FGGY: variants seen among roughly 807,000 people sequenced by gnomAD.
FGGY encodes FGGY carbohydrate kinase domain-containing protein.
FGGY carries 72 observed loss-of-function variants against 71.3 expected under a neutral mutation model. The observed-to-expected ratio is 1.01, with a 90% CI of 0.84 to 1.23. The LOEUF (loss-of-function observed/expected upper bound fraction) is 1.23. FGGY is among the 50% of genes most tolerant of loss of function. The probability of loss-of-function intolerance (pLI) is 0.00; values close to 1 mark genes in which losing one functional copy is unlikely to be tolerated. For missense variants in FGGY, 668 were observed against 682.3 expected, an observed-to-expected ratio of 0.98 and a Z score of 0.23; for synonymous variants, 251 against 250.3, an observed-to-expected ratio of 1.00 and a Z score of -0.02.
intron 14 of FGGY, among the ~76,000 whole-genome samples, chr1:59,684,361 A>G (rs2097528699): frequency 6.6e-6 from 1 of 152,042 alleles, no homozygotes; most frequent in South Asian, 2.1e-4. Context: ...GGAATGATGG[A>G]GCATTTGAGG....
chr1:59,453,826 G>T (rs2091427323), intron 5 of FGGY, among the ~76,000 whole-genome samples: 1 of 152,124 alleles, frequency 6.6e-6, no homozygotes, highest in Non-Finnish European at 1.5e-5. Context: ...TCAGAGGTAA[G>T]GAATCAGAAT....
rs541911718 is a variant in FGGY at position 59,524,334 on chromosome 1, C to T, written c.799+11895C>T. Among the ~76,000 whole-genome samples, 11 of 152,276 alleles carry T rather than the reference C, an allele frequency of 7.2e-5. 1 individual carries two copies. The highest frequency in any genetic ancestry group is 4.1e-4 in the South Asian group (2 of 4,830). On this transcript the variant is annotated intron_variant, in intron 7 of 15. Coordinates refer to ENST00000303721, the MANE Select transcript of FGGY (RefSeq NM_018291.5). Reference sequence around the variant, plus strand: ...GCCTCAGTAGGAACAGACTGGGTGGCGGGTTGATGGCAGGAGGAAGCAGAC... The same window carrying T: ...GCCTCAGTAGGAACAGACTGGGTGGTGGGTTGATGGCAGGAGGAAGCAGAC...
chr1:59,333,852 G>A (rs1196292443), intron 2 of FGGY, among the ~76,000 whole-genome samples: 1 of 152,218 alleles, frequency 6.6e-6, no homozygotes, highest in African/African-American at 2.4e-5. Context: ...TCAGTGTGGT[G>A]AAGGCATCTG....
chr1:59,660,988 T>C (rs74086291), intron 12 of FGGY, among the ~76,000 whole-genome samples: 12,238 of 152,214 alleles, frequency 0.08, 1,344 homozygotes, highest in African/African-American at 0.25. Flanking sequence ...TAGATCATGG[T>C]GTTCGGGGTC....
chr1:59,656,197 C>T (rs1020810392), intron 11 of FGGY, among the ~76,000 whole-genome samples: 14 of 152,194 alleles, frequency 9.2e-5, no homozygotes, highest in Admixed American at 7.9e-4. Context: ...TTGTCTGTCT[C>T]GCCCAAACAT....
chr1:59,757,824 A>C, intron 14 of FGGY, 107 bp from the exon 15 acceptor site: 1 of 709,048 alleles, frequency 1.4e-6, no homozygotes, highest in Non-Finnish European at 2.4e-6. Flanking sequence ...GACTAACCAA[A>C]TATCTTAAAG....
At chr1:59,348,557 T>G (rs183762223) in intron 4 of FGGY, among the ~76,000 whole-genome samples, 3,706 of 152,134 alleles carry the variant, frequency 0.024, 171 homozygotes, top group African/African-American at 0.085. Context: ...TCTGGAGAAG[T>G]AGAGAATCCA....
chr1:59,311,200 A>G (rs2044250819), intron 1 of FGGY, among the ~76,000 whole-genome samples: 1 of 151,888 alleles, frequency 6.6e-6, no homozygotes, highest in Non-Finnish European at 1.5e-5. Context: ...CATTTCAGGG[A>G]TGGTAGAAAG....
intron 14 of FGGY, among the ~76,000 whole-genome samples, chr1:59,723,569 G>GT (rs1012048792): frequency 6.7e-5 from 10 of 149,058 alleles, no homozygotes; most frequent in African/African-American, 2.5e-4. Context: ...TTTTTGGGGG[G>GT]GGGTGGTTGG....
intron 4 of FGGY, among the ~76,000 whole-genome samples, chr1:59,362,652 A>T (rs1173932902): frequency 6.6e-6 from 1 of 152,250 alleles, no homozygotes; most frequent in East Asian, 1.9e-4. Flanking sequence ...CTCTAGACAC[A>T]TATCTGACAT....
At chr1:59,486,367 C>A (rs1175043166) in intron 6 of FGGY, among the ~76,000 whole-genome samples, 1 of 152,150 alleles carries the variant, frequency 6.6e-6, no homozygotes, top group East Asian at 1.9e-4. Flanking sequence ...GCCCTGTGAG[C>A]AGGCAGAAAT....
At chr1:59,633,445 T>C (rs563030546) in intron 10 of FGGY, among the ~76,000 whole-genome samples, 1 of 152,300 alleles carries the variant, frequency 6.6e-6, no homozygotes, top group Admixed American at 6.5e-5. Context: ...TCCCAACTGG[T>C]TACCAGTAGC....
intron 4 of FGGY, among the ~76,000 whole-genome samples, chr1:59,347,039 CAG>C (rs922142850): frequency 6.7e-6 from 1 of 148,152 alleles, no homozygotes; most frequent in African/African-American, 2.5e-5. Flanking sequence ...GAAGCAATCT[CAG>C]AAAAAGTGTA....
intron 14 of FGGY, among the ~76,000 whole-genome samples, chr1:59,691,454 A>G (rs1415938699): frequency 6.6e-6 from 1 of 151,970 alleles, no homozygotes; most frequent in East Asian, 1.9e-4. Context: ...CTTGGCTGAA[A>G]ACAGACTGCG....
At chr1:59,716,280 C>T (rs905867592) in intron 14 of FGGY, among the ~76,000 whole-genome samples, 2 of 152,072 alleles carry the variant, frequency 1.3e-5, no homozygotes, top group Non-Finnish European at 2.9e-5. Context: ...CATGGTATTC[C>T]CTTTCTTTTT....
chr1:59,674,466 G>A (rs1163389546), intron 14 of FGGY, among the ~76,000 whole-genome samples: 1 of 152,018 alleles, frequency 6.6e-6, no homozygotes, highest in Non-Finnish European at 1.5e-5. Context: ...AGTGTTTCAT[G>A]TGTATTTCAG....
intron 11 of FGGY, among the ~76,000 whole-genome samples, chr1:59,653,293 T>TCC (rs2097184093): frequency 1.3e-5 from 2 of 152,220 alleles, no homozygotes; most frequent in Admixed American, 1.3e-4. Flanking sequence ...AGTTCGAGCT[T>TCC]TTGGGCTGCT....
chr1:59,306,030 G>T (rs1308485927), intron 1 of FGGY, among the ~76,000 whole-genome samples: 3 of 152,122 alleles, frequency 2.0e-5, no homozygotes, highest in Non-Finnish European at 4.4e-5. Context: ...ATATCCCAGG[G>T]ATTAAACTTG....
intron 7 of FGGY, among the ~76,000 whole-genome samples, chr1:59,542,610 C>G (rs2095461325): frequency 6.6e-6 from 1 of 151,626 alleles, no homozygotes; most frequent in African/African-American, 2.4e-5. Flanking sequence ...GCATGCACCA[C>G]CACGCCCGGC....
Sources: gnomAD v4.1 joint callset for allele counts (sites outside exome capture counted in the v4.1 genomes callset) on GRCh38, gnomAD v4.1.1 for gene constraint, MANE v1.5 for transcripts, NCBI Gene and HGNC (gene_info 2026-07-23, HGNC 2026-07-21) for gene names.